The following LRRC38 variants were observed in gnomAD, a reference collection of about 807,000 sequenced individuals.
LRRC38 encodes leucine-rich repeat-containing protein 38.
In LRRC38, 5 loss-of-function variants were observed where a neutral mutation model predicts 16.4. The observed-to-expected ratio is 0.31, with a 90% CI of 0.16 to 0.64. The LOEUF is 0.64. LRRC38 is among the 30% of genes least tolerant of loss of function. LRRC38 has a pLI of 0.80. For missense variants in LRRC38, 341 were observed against 401.8 expected, an observed-to-expected ratio of 0.85 and a Z score of 1.29; for synonymous variants, 191 against 190.2, an observed-to-expected ratio of 1.00 and a Z score of -0.04.
intron 1 of LRRC38, among the ~76,000 whole-genome samples, chr1:13,478,481 G>C (rs558053536): frequency 2.0e-5 from 3 of 152,308 alleles, no homozygotes; most frequent in East Asian, 3.9e-4. Flanking sequence ...TTAACAAGGT[G>C]CCCTTTTCCC....
chr1:13,484,208 G>GTGAC (rs1335276711), intron 1 of LRRC38, among the ~76,000 whole-genome samples: 1 of 152,024 alleles, frequency 6.6e-6, no homozygotes, highest in Non-Finnish European at 1.5e-5. Flanking sequence ...TTTTCGTCAG[G>GTGAC]TGACTAGGCA....
chr1:13,493,786 T>G (rs1189971346), intron 1 of LRRC38, among the ~76,000 whole-genome samples: 2 of 152,154 alleles, frequency 1.3e-5, no homozygotes, highest in Non-Finnish European at 2.9e-5. Flanking sequence ...CACTTTGGGC[T>G]GGGCATGGTG....
At chr1:13,485,990 G>C (rs1276411371) in intron 1 of LRRC38, among the ~76,000 whole-genome samples, 1 of 152,186 alleles carries the variant, frequency 6.6e-6, no homozygotes, top group South Asian at 2.1e-4. Context: ...CCAGGCTGGA[G>C]TGCAGTGGTG....
intron 1 of LRRC38, among the ~76,000 whole-genome samples, chr1:13,503,266 T>A (rs1019966795): frequency 8.0e-5 from 11 of 138,018 alleles, no homozygotes; most frequent in African/African-American, 3.9e-4. Context: ...TTTATTTTGT[T>A]TTTATTTATT....
intron 1 of LRRC38, among the ~76,000 whole-genome samples, chr1:13,483,105 C>T (rs1423955377): frequency 2.0e-5 from 3 of 152,008 alleles, no homozygotes; most frequent in Admixed American, 2.0e-4. Flanking sequence ...CAGCCCCTCC[C>T]AACAAGCTCC....
chr1:13,513,568 G>T lies in LRRC38; in HGVS notation c.26C>A (p.Ala9Asp). The change falls in exon 1 of 2, where the codon GCC becomes GAC. Residue 9 changes from alanine (A) to aspartate (D), a missense_variant. Transcript: ENST00000376085. ...GCTGCAGAGCCCGAGCGCCGCGGCGGCGCAGGCTGGGGCTCGGGGGCGCAT... is the reference window on the plus strand; with the variant it reads ...GCTGCAGAGCCCGAGCGCCGCGGCGTCGCAGGCTGGGGCTCGGGGGCGCAT... MRPRAPAC[A>D]AAALGLCSLL... 8.3e-7 allele frequency: 1 copy of T among 1,211,998 alleles called. No individual in the cohort carries two copies. The highest frequency in any genetic ancestry group is 1.0e-6 in the Non-Finnish European group (1 of 976,114). The allele number at this position is 1,211,998 out of a possible 1,614,324, so 75.1% of individuals were successfully genotyped here. A position where few individuals can be genotyped will look rare whatever the true frequency, so the allele number is the denominator to read the frequency against.
At chr1:13,488,032 T>TTTTG (rs1553135210) in intron 1 of LRRC38, among the ~76,000 whole-genome samples, 1 of 147,104 alleles carries the variant, frequency 6.8e-6, no homozygotes, top group African/African-American at 2.5e-5. Context: ...TTGTGTGTGT[T>TTTTG]TGTGTGTGTG....
intron 1 of LRRC38, among the ~76,000 whole-genome samples, chr1:13,491,725 G>T (rs1639014770): frequency 6.6e-6 from 1 of 151,978 alleles, no homozygotes; most frequent in African/African-American, 2.4e-5. Flanking sequence ...ACTCAGGCTG[G>T]AGTGCAGTGG....
At chr1:13,489,103 C>T (rs1256429684) in intron 1 of LRRC38, among the ~76,000 whole-genome samples, 1 of 152,166 alleles carries the variant, frequency 6.6e-6, no homozygotes, top group South Asian at 2.1e-4. Flanking sequence ...CTACAACTTC[C>T]AGAGAAGGCA....
intron 1 of LRRC38, among the ~76,000 whole-genome samples, chr1:13,512,525 A>T (rs1639284342): frequency 6.6e-6 from 1 of 152,154 alleles, no homozygotes; most frequent in African/African-American, 2.4e-5. Context: ...AGGCCAGGTT[A>T]GGCTCGGGAA....
chr1:13,503,659 G>A (rs766541435), intron 1 of LRRC38, among the ~76,000 whole-genome samples: 4 of 152,128 alleles, frequency 2.6e-5, no homozygotes, highest in Non-Finnish European at 5.9e-5. Context: ...GGGCATCTGG[G>A]GTCTCATTCC....
At chr1:13,484,857 CA>C (rs1354995962) in intron 1 of LRRC38, among the ~76,000 whole-genome samples, 1 of 152,178 alleles carries the variant, frequency 6.6e-6, no homozygotes. Flanking sequence ...CGCAGATAAG[CA>C]AACTGAACAA....
intron 1 of LRRC38, among the ~76,000 whole-genome samples, chr1:13,492,639 T>C (rs1399890486): frequency 6.6e-6 from 1 of 151,750 alleles, no homozygotes; most frequent in Non-Finnish European, 1.5e-5. Context: ...GAGATGGAGG[T>C]TACAGTGAGC....
rs1639297495 is a variant in LRRC38 at position 13,513,297 on chromosome 1, C to T, written c.297G>A (p.Thr99=). 2.6e-6 allele frequency: 4 copies of T among 1,550,718 alleles called. No individual in the cohort carries two copies. In the South Asian group the frequency reaches 3.6e-5, roughly 14 times the overall value. ...NNSLRSLEEG[T]FSGSAKLVFL... ...ACACGAGCTTGGCCGAGCCGCTGAA[C>T]GTGCCCTCCTCCAGCGAGCGCAGCG... The change falls in exon 1 of 2, where the codon ACG becomes ACA. Residue 99 remains threonine, a synonymous_variant. Transcript: ENST00000376085.
chr1:13,489,633 C>T (rs146040358), intron 1 of LRRC38, among the ~76,000 whole-genome samples: 29 of 152,188 alleles, frequency 1.9e-4, no homozygotes, highest in Middle Eastern at 3.4e-3. Context: ...CGCTTCAAGC[C>T]GCAGAGAAAT....
At chr1:13,482,213 C>A (rs892039869) in intron 1 of LRRC38, among the ~76,000 whole-genome samples, 2 of 151,942 alleles carry the variant, frequency 1.3e-5, no homozygotes, top group African/African-American at 4.8e-5. Context: ...GTGGCCCTGG[C>A]CTCTTGGAGC....
intron 1 of LRRC38, among the ~76,000 whole-genome samples, chr1:13,481,733 CAA>C (rs1557495164): frequency 6.0e-5 from 9 of 150,990 alleles, no homozygotes; most frequent in African/African-American, 2.2e-4. Context: ...AGAGCTCTCC[CAA>C]TCTGTCTCTG....
rs1482751648 is a variant in LRRC38, at chr1:13,475,874, T to C, written c.857A>G (p.Glu286Gly). Reference sequence around the variant, plus strand: ...GTCATCCTTGTCCTCGTCTTCATCCTCCGCATCTTTGTTGGGTGCGCACCT... The same window carrying C: ...GTCATCCTTGTCCTCGTCTTCATCCCCCGCATCTTTGTTGGGTGCGCACCT... Reference protein sequence around the residue: ...LQRCAPNKDAEDEDEDKDD With the variant: ...LQRCAPNKDAGDEDEDKDD The change falls in exon 2 of 2, where the codon GAG (glutamate) becomes GGG (glycine). Residue 286 changes from glutamate (E) to glycine (G), a missense_variant. Glu to Gly is a moderately conservative substitution (Grantham distance 98). Coordinates refer to ENST00000376085, the MANE Select transcript of LRRC38 (RefSeq NM_001010847.2). This position sits in a 1 kb window ranked among gnomAD's most constrained non-coding sequence, Gnocchi z 4.3. 2 of 1,550,376 alleles carry C rather than the reference T, an allele frequency of 1.3e-6. No individual in the cohort carries two copies. The highest frequency in any genetic ancestry group is 2.4e-5 in the East Asian group (1 of 40,910).
intron 1 of LRRC38, among the ~76,000 whole-genome samples, chr1:13,492,898 C>T (rs575706602): frequency 2.6e-5 from 4 of 152,170 alleles, no homozygotes; most frequent in East Asian, 3.9e-4. Flanking sequence ...TCTGCTCTGC[C>T]GCTCCCCTCT....
Sources: allele counts gnomAD v4.1 joint callset (sites outside exome capture counted in the v4.1 genomes callset), GRCh38; gene constraint gnomAD v4.1.1; non-coding constraint Gnocchi (gnomAD v3.1); transcripts MANE v1.5; gene names NCBI Gene and HGNC (gene_info 2026-07-23, HGNC 2026-07-21).